Variants in MRAP2 observed in about 807,000 individuals in gnomAD.
MRAP2 encodes the protein melanocortin 2 receptor accessory protein 2, also known as melanocortin-2 receptor accessory protein 2.
A neutral mutation model predicts 17.4 loss-of-function variants in MRAP2; 20 were observed. That is an observed-to-expected ratio of 1.15 (90% CI 0.81 to 1.67). The LOEUF is 1.67. Ranked by LOEUF, MRAP2 falls within the 40% of genes most tolerant of loss-of-function variation. The probability of loss-of-function intolerance (pLI) is 0.00; values close to 1 mark genes in which losing one functional copy is unlikely to be tolerated. For missense variants in MRAP2, 238 were observed against 240.0 expected (o/e 0.99, Z 0.05); for synonymous variants, 96 against 88.4 (o/e 1.09, Z -0.48).
the MRAP2 span, among the ~76,000 whole-genome samples, chr6:84,142,177 C>G: frequency 6.6e-6 from 1 of 152,138 alleles, no homozygotes; most frequent in Non-Finnish European, 1.5e-5. Context: ...AGATTATCTG[C>G]AAAGGGCAAA....
the MRAP2 span, among the ~76,000 whole-genome samples, chr6:84,142,769 T>A: frequency 6.1e-3 from 934 of 152,186 alleles, 10 homozygotes; most frequent in Non-Finnish European, 9.2e-3. Context: ...CATCCCCAAA[T>A]CAAACGTGCA....
intron 3 of MRAP2, among the ~76,000 whole-genome samples, chr6:84,085,773 C>T (rs552719473): frequency 1.3e-5 from 2 of 152,268 alleles, no homozygotes; most frequent in African/African-American, 2.4e-5. Flanking sequence ...TTGTAGAAAC[C>T]GGAGTACTCT....
chr6:84,054,871 T>C (rs1245900915), intron 1 of MRAP2, among the ~76,000 whole-genome samples: 1 of 152,182 alleles, frequency 6.6e-6, no homozygotes, highest in Non-Finnish European at 1.5e-5. Context: ...TAAATCAATG[T>C]CAATCTGAGA....
chr6:84,089,443 A>T lies in MRAP2; in HGVS notation c.580A>T (p.Lys194Ter). 1 of 1,613,924 alleles carries T rather than the reference A, an allele frequency of 6.2e-7. No individual in the cohort carries two copies. Among genetic ancestry groups the T allele is most frequent in the Non-Finnish European group, 8.5e-7 (1 of 1,179,990 alleles). The part of the protein sequence containing the change: ...ISEPPIVLET[K>*]PLSQTSHKDL... ...TGAACCACCTATTGTTCTGGAAACT[A>T]AGCCACTTTCCCAGACCTCACACAA... The change falls in exon 4 of 4, where the codon AAG becomes TAG. Residue 194 changes from lysine to a stop codon, truncating the protein, a stop_gained. Coordinates refer to ENST00000257776, the MANE Select transcript of MRAP2 (RefSeq NM_138409.4). LOFTEE classifies it high-confidence loss of function.
At chr6:84,051,034 C>A (rs1341621880) in intron 1 of MRAP2, among the ~76,000 whole-genome samples, 2 of 152,156 alleles carry the variant, frequency 1.3e-5, no homozygotes, top group African/African-American at 4.8e-5. Context: ...ATGTGCTAGT[C>A]CTGTGCCTGG....
intron 1 of MRAP2, chr6:84,052,866 A>G (rs1445298321): frequency 3.4e-6 from 3 of 888,712 alleles, no homozygotes; most frequent in East Asian, 1.2e-4. Flanking sequence ...ACTTTTGCAC[A>G]TGTAGCTTTC....
At chr6:84,087,730 C>A (rs2099500861) in intron 3 of MRAP2, among the ~76,000 whole-genome samples, 2 of 152,182 alleles carry the variant, frequency 1.3e-5, no homozygotes, top group African/African-American at 4.8e-5. Context: ...CTTGCATAAA[C>A]CCTTGACGTT....
chr6:84,079,705 G>A (rs796248578), intron 3 of MRAP2, among the ~76,000 whole-genome samples: 26 of 152,310 alleles, frequency 1.7e-4, no homozygotes, highest in African/African-American at 6.3e-4. Flanking sequence ...GAATACTCAT[G>A]TCATAGTAAA....
At chr6:84,144,617 T>C in the MRAP2 span, among the ~76,000 whole-genome samples, 6 of 152,150 alleles carry the variant, frequency 3.9e-5, no homozygotes, top group Admixed American at 6.5e-5. Flanking sequence ...TTCAAGATCA[T>C]ACCATTTGGC....
chr6:84,055,202 C>T, intron 1 of MRAP2, 110 bp from the exon 2 acceptor site: 1 of 1,320,252 alleles, frequency 7.6e-7, no homozygotes, highest in Admixed American at 2.4e-5. Context: ...GTAAGACCTC[C>T]TCAAGGGGTT....
At chr6:84,125,128 C>T in the MRAP2 span, 32 of 1,613,434 alleles carry the variant, frequency 2.0e-5, no homozygotes, top group Non-Finnish European at 2.2e-5. Flanking sequence ...CACTCCTTGC[C>T]GGTGCAGCTC....
chr6:84,133,121 GT>G, the MRAP2 span, among the ~76,000 whole-genome samples: 2 of 152,146 alleles, frequency 1.3e-5, no homozygotes, highest in South Asian at 4.1e-4. Flanking sequence ...TTTGCTTGAG[GT>G]CCACTCCAGA....
At chr6:84,065,342 T>C (rs1461791442) in intron 3 of MRAP2, among the ~76,000 whole-genome samples, 2 of 152,176 alleles carry the variant, frequency 1.3e-5, no homozygotes, top group Non-Finnish European at 2.9e-5. Context: ...ATCATTTTTA[T>C]TGAAGCATTT....
At chr6:84,088,738 C>G (rs1008231075) in intron 3 of MRAP2, among the ~76,000 whole-genome samples, 5 of 152,108 alleles carry the variant, frequency 3.3e-5, no homozygotes, top group African/African-American at 9.7e-5. Flanking sequence ...GGGTCTGTGA[C>G]CCAGGAATCT....
At chr6:84,125,394 T>C in the MRAP2 span, 1 of 774,668 alleles carries the variant, frequency 1.3e-6, no homozygotes, top group Middle Eastern at 3.5e-4. Context: ...TAAATCATAA[T>C]GCTCTGCGTG....
the MRAP2 span, among the ~76,000 whole-genome samples, chr6:84,142,338 T>C: frequency 6.6e-6 from 1 of 152,234 alleles, no homozygotes; most frequent in Non-Finnish European, 1.5e-5. Context: ...GCCTGTCTCA[T>C]GGCTAAAACT....
chr6:84,110,400 G>A, the MRAP2 span, among the ~76,000 whole-genome samples: 1 of 152,108 alleles, frequency 6.6e-6, no homozygotes, highest in Non-Finnish European at 1.5e-5. Flanking sequence ...TTTGAGAACT[G>A]TCTGTTCATA....
chr6:84,071,318 G>T (rs2099496135), intron 3 of MRAP2, among the ~76,000 whole-genome samples: 1 of 152,136 alleles, frequency 6.6e-6, no homozygotes. Flanking sequence ...GAAAAAGACT[G>T]TATCTTTCCT....
At chr6:84,131,534 A>C in the MRAP2 span, among the ~76,000 whole-genome samples, 4 of 152,270 alleles carry the variant, frequency 2.6e-5, no homozygotes, top group East Asian at 7.7e-4. Context: ...GTGCTCCTGC[A>C]TTGGGTGCAT....
Sources: gnomAD v4.1 joint callset for allele counts (sites outside exome capture counted in the v4.1 genomes callset) on GRCh38, gnomAD v4.1.1 for gene constraint, MANE v1.5 for transcripts, NCBI Gene and HGNC (gene_info 2026-07-23, HGNC 2026-07-21) for gene names.